The following DPP10 variants were observed in gnomAD, a reference collection of about 807,000 sequenced individuals.
The protein encoded by DPP10 is inactive dipeptidyl peptidase 10.
Under a neutral mutation model 120.9 loss-of-function variants are expected in DPP10, and 33 were observed. The observed-to-expected ratio is 0.27, with a 90% CI of 0.21 to 0.37. DPP10 has a LOEUF of 0.37. DPP10 is among the 10% of genes least tolerant of loss of function. The pLI, the probability that DPP10 is intolerant of heterozygous loss-of-function variation, is 1.00. For synonymous variants in DPP10, 337 were observed against 326.1 expected (o/e 1.03, Z -0.36); for missense variants, 816 against 942.8 (o/e 0.87, Z 1.76).
At chr2:115,379,548 T>G (rs2066121463) in intron 3 of DPP10, among the ~76,000 whole-genome samples, 1 of 152,144 alleles carries the variant, frequency 6.6e-6, no homozygotes, top group East Asian at 1.9e-4. Flanking sequence ...GTGTCTCTAT[T>G]TCCTTCAGTT....
chr2:114,697,591 A>G (rs1316687014), intron 1 of DPP10, among the ~76,000 whole-genome samples: 1 of 151,942 alleles, frequency 6.6e-6, no homozygotes, highest in Non-Finnish European at 1.5e-5. Flanking sequence ...TCTACCAAAA[A>G]TATAATAAAT....
chr2:114,966,365 T>A lies in DPP10; in HGVS notation c.61-342874T>A, dbSNP rs1051438378. ...GAGTAATGCCCTCCTGCAGGGTTACTTTTTTGCACTCCAGTGAAGGGGTTA... is the reference window on the plus strand; with the variant it reads ...GAGTAATGCCCTCCTGCAGGGTTACATTTTTGCACTCCAGTGAAGGGGTTA... On this transcript the variant is annotated intron_variant, in intron 1 of 25. Transcript: ENST00000410059. 5.9e-5 allele frequency among the ~76,000 whole-genome samples: 9 copies of A among 152,236 alleles called. No individual in the cohort carries two copies. In the South Asian group the frequency reaches 6.2e-4, roughly 11 times the overall value.
intron 1 of DPP10, among the ~76,000 whole-genome samples, chr2:115,139,724 TAA>T (rs55826687): frequency 0.37 from 21,141 of 57,008 alleles, 3,473 homozygotes; most frequent in Middle Eastern, 0.48. Context: ...GTAAAAATAC[TAA>T]AAAAAAAAAA....
At chr2:115,264,678 TA>T (rs2059388056) in intron 1 of DPP10, among the ~76,000 whole-genome samples, 1 of 152,222 alleles carries the variant, frequency 6.6e-6, no homozygotes, top group Non-Finnish European at 1.5e-5. Flanking sequence ...ATATTTCACA[TA>T]ACAAATTCAA....
intron 3 of DPP10, among the ~76,000 whole-genome samples, chr2:115,370,394 T>G (rs2065331454): frequency 6.6e-6 from 1 of 152,102 alleles, no homozygotes; most frequent in South Asian, 2.1e-4. Flanking sequence ...CAGCTTGATC[T>G]CGAAAGCTGT....
intron 1 of DPP10, among the ~76,000 whole-genome samples, chr2:115,227,813 T>C (rs1193259404): frequency 1.3e-5 from 2 of 152,124 alleles, no homozygotes; most frequent in Non-Finnish European, 2.9e-5. Flanking sequence ...TCAGCCATTT[T>C]ATGCTTTCTT....
intron 1 of DPP10, among the ~76,000 whole-genome samples, chr2:114,813,798 G>A (rs1442955275): frequency 1.3e-5 from 2 of 151,824 alleles, no homozygotes; most frequent in African/African-American, 4.8e-5. Context: ...TACTTGGCTT[G>A]GAGAAGAAAC....
At chr2:114,515,815 T>G (rs1684551094) in intron 1 of DPP10, among the ~76,000 whole-genome samples, 1 of 152,154 alleles carries the variant, frequency 6.6e-6, no homozygotes, top group African/African-American at 2.4e-5. Context: ...AACCTTTTTT[T>G]TTTTCTAGAA....
intron 1 of DPP10, among the ~76,000 whole-genome samples, chr2:114,925,785 T>C (rs907185062): frequency 3.3e-5 from 5 of 152,114 alleles, no homozygotes; most frequent in Admixed American, 3.3e-4. Flanking sequence ...TTACAAATAC[T>C]AAATATCTGT....
intron 1 of DPP10, among the ~76,000 whole-genome samples, chr2:114,764,807 T>C (rs1397630524): frequency 6.6e-6 from 1 of 152,200 alleles, no homozygotes; most frequent in African/African-American, 2.4e-5. Context: ...TACCTACCTA[T>C]GCATTTAATA....
At chr2:114,496,956 G>A (rs1682572697) in intron 1 of DPP10, among the ~76,000 whole-genome samples, 1 of 151,752 alleles carries the variant, frequency 6.6e-6, no homozygotes, top group African/African-American at 2.4e-5. Flanking sequence ...ATCAAAGCAT[G>A]CTGATAGAAG....
intron 5 of DPP10, among the ~76,000 whole-genome samples, chr2:115,632,173 C>A (rs2085928976): frequency 6.6e-6 from 1 of 152,156 alleles, no homozygotes; most frequent in Non-Finnish European, 1.5e-5. Flanking sequence ...CAATGCCCTT[C>A]TTTGTCTTTT....
At chr2:115,657,137 A>C (rs2088435204) in intron 5 of DPP10, among the ~76,000 whole-genome samples, 1 of 151,702 alleles carries the variant, frequency 6.6e-6, no homozygotes, top group African/African-American at 2.4e-5. Context: ...TGTATAAGGA[A>C]TAAATTTAAC....
chr2:115,380,755 C>T (rs1281013980), intron 3 of DPP10, among the ~76,000 whole-genome samples: 1 of 152,132 alleles, frequency 6.6e-6, no homozygotes, highest in South Asian at 2.1e-4. Context: ...CTGGTGGTGA[C>T]AAAATCTCTC....
chr2:115,522,161 G>A (rs910488722), intron 4 of DPP10, among the ~76,000 whole-genome samples: 1 of 151,958 alleles, frequency 6.6e-6, no homozygotes, highest in African/African-American at 2.4e-5. Flanking sequence ...TTTTCTATAG[G>A]ACATTGTATC....
At chr2:114,504,486 C>T (rs1392219391) in intron 1 of DPP10, among the ~76,000 whole-genome samples, 3 of 152,090 alleles carry the variant, frequency 2.0e-5, no homozygotes, top group Non-Finnish European at 4.4e-5. Context: ...CACCCTCTAT[C>T]GTTGTCTCTA....
intron 17 of DPP10, among the ~76,000 whole-genome samples, chr2:115,789,426 AAATT>A (rs1683701170): frequency 5.9e-5 from 9 of 152,220 alleles, no homozygotes; most frequent in Admixed American, 5.9e-4. Context: ...TAATAATAAT[AAATT>A]AATAGGAATA....
At chr2:115,050,979 C>T (rs1050021577) in intron 1 of DPP10, among the ~76,000 whole-genome samples, 5 of 152,128 alleles carry the variant, frequency 3.3e-5, no homozygotes, top group Admixed American at 6.5e-5. Context: ...ACTAAACAAA[C>T]AATCACCATA....
At chr2:114,576,673 G>C (rs987206253) in intron 1 of DPP10, among the ~76,000 whole-genome samples, 1 of 152,054 alleles carries the variant, frequency 6.6e-6, no homozygotes, top group African/African-American at 2.4e-5. Context: ...ACAAAAACTA[G>C]CCCACAGGAC....
Sources: gnomAD v4.1 joint callset for allele counts (sites outside exome capture counted in the v4.1 genomes callset) on GRCh38, gnomAD v4.1.1 for gene constraint, MANE v1.5 for transcripts, NCBI Gene and HGNC (gene_info 2026-07-23, HGNC 2026-07-21) for gene names.